Variants in CRYBG1 observed in about 807,000 individuals in gnomAD.
CRYBG1 encodes beta/gamma crystallin domain-containing protein 1.
A neutral mutation model predicts 189.2 loss-of-function variants in CRYBG1; 139 were observed. The ratio of observed to expected loss-of-function variants is 0.73; its 90% CI spans 0.64 to 0.85. The LOEUF (loss-of-function observed/expected upper bound fraction) is 0.85. Among genes scored for constraint, CRYBG1 ranks in the 40% least tolerant of loss-of-function variants. The pLI is 0.00. For missense variants in CRYBG1, 2,611 were observed against 2,675.8 expected (o/e 0.98, Z 0.53); for synonymous variants, 1,023 against 1,017.1 (o/e 1.01, Z -0.11).
rs2114443808 is a variant in CRYBG1 at position 106,455,202 on chromosome 6, A to G, written c.312+3370A>G. On this transcript the variant is annotated intron_variant, in intron 2 of 21. Transcript: ENST00000633556. ...TTTATTTAAAATATTTATATTTCTA[A>G]CAGACCATTTTTTTCACGAGAGAAA... is the stretch of plus-strand genomic sequence containing the variant. Among the ~76,000 whole-genome samples, 2 of 152,280 alleles carry G rather than the reference A, an allele frequency of 1.3e-5. 1 individual carries two copies. The highest frequency in any genetic ancestry group is 4.1e-4 in the South Asian group (2 of 4,826).
At chr6:106,385,262 T>C (rs1031855528) in intron 1 of CRYBG1, among the ~76,000 whole-genome samples, 2 of 152,212 alleles carry the variant, frequency 1.3e-5, no homozygotes, top group African/African-American at 4.8e-5. Flanking sequence ...CTCTCAGAGC[T>C]GCTCAAACAG....
In CRYBG1 at chr6:106,376,642, G is replaced by A. The variant is rs189038758; in HGVS notation, c.173+15561G>A. Among the ~76,000 whole-genome samples the A allele has an allele frequency of 1.8e-4, 27 of 152,268 alleles. 1 individual carries two copies. The highest frequency in any genetic ancestry group is 1.2e-3 in the East Asian group (6 of 5,160). On this transcript the variant is annotated intron_variant, in intron 1 of 21. Transcript: ENST00000633556. ...TCCCTCCCCTTGCCTTTATGCTTAG[G>A]GGGTAGTAGAGGCTTCCTGCCATTG...
At position 106,512,811 on chromosome 6, in the gene CRYBG1, G is replaced by T; in HGVS notation, c.1694G>T (p.Arg565Leu). The change falls in exon 3 of 22, where the codon CGG becomes CTG. Residue 565 changes from arginine to leucine, a missense_variant. Arg to Leu is a moderately radical substitution (Grantham distance 102). Coordinates refer to ENST00000633556, the MANE Select transcript of CRYBG1 (RefSeq NM_001371242.2). ...GCCGAGAGCGGGGAGGAGGCGGCGC[G>T]GGCCATCCCCCGCGAGCTCCCGGTC... ...TAAESGEEAA[R>L]AIPRELPVKS... 1.3e-6 allele frequency: 2 copies of T among 1,575,274 alleles called. No homozygotes were observed. The highest frequency in any genetic ancestry group is 1.7e-6 in the Non-Finnish European group (2 of 1,160,168).
intron 2 of CRYBG1, among the ~76,000 whole-genome samples, chr6:106,460,930 G>A (rs1771997856): frequency 6.6e-6 from 1 of 152,082 alleles, no homozygotes; most frequent in African/African-American, 2.4e-5. Context: ...GGAATTACAG[G>A]CACCTGCCAC....
chr6:106,481,576 CCT>C (rs1308508417), intron 2 of CRYBG1, among the ~76,000 whole-genome samples: 2 of 151,608 alleles, frequency 1.3e-5, no homozygotes, highest in African/African-American at 4.9e-5. Context: ...TTCTTCCGTC[CCT>C]CTCCACCCTT....
In CRYBG1 at chr6:106,568,602, C is replaced by T. The variant is rs775764594; in HGVS notation, c.*36C>T. The T allele has an allele frequency of 2.4e-5, 35 of 1,487,932 alleles. No homozygotes were observed. Among genetic ancestry groups the T allele is most frequent in the Non-Finnish European group, 3.3e-5 (35 of 1,067,854 alleles). 92.2% of individuals were successfully genotyped at this position (1,487,932 alleles called of 1,614,324 possible). Reference sequence around the variant, plus strand: ...AAGAAGAATCTTCTGGAGGTCCTTCCAGCCACCTTATTTCTTAAAAAGGAC... The same window carrying T: ...AAGAAGAATCTTCTGGAGGTCCTTCTAGCCACCTTATTTCTTAAAAAGGAC... On this transcript the variant is annotated 3_prime_UTR_variant, in exon 22 of 22. Coordinates refer to ENST00000633556, the MANE Select transcript of CRYBG1 (RefSeq NM_001371242.2).
intron 8 of CRYBG1, among the ~76,000 whole-genome samples, chr6:106,538,331 G>C (rs1009825161): frequency 1.3e-5 from 2 of 152,142 alleles, no homozygotes; most frequent in African/African-American, 4.8e-5. Context: ...TGGCACATTA[G>C]AGGAGGGTGG....
chr6:106,534,685 G>A (rs1111830), intron 8 of CRYBG1, among the ~76,000 whole-genome samples: 135,468 of 152,214 alleles, frequency 0.89, 60,415 homozygotes, highest in South Asian at 0.96. Context: ...GGAAATGAGT[G>A]ATTTCTAACT....
chr6:106,431,875 C>T (rs1884462), intron 1 of CRYBG1, among the ~76,000 whole-genome samples: 88,245 of 151,822 alleles, frequency 0.58, 25,858 homozygotes, highest in East Asian at 0.83. Context: ...TCTAGCTTCA[C>T]AGAACCAGAT....
chr6:106,394,718 T>C (rs528312386), intron 1 of CRYBG1, among the ~76,000 whole-genome samples: 2 of 152,304 alleles, frequency 1.3e-5, no homozygotes, highest in African/African-American at 2.4e-5. Flanking sequence ...TTTCTGCTTG[T>C]GGATGTTAAG....
chr6:106,419,690 C>T (rs1771089328), intron 1 of CRYBG1, among the ~76,000 whole-genome samples: 1 of 152,146 alleles, frequency 6.6e-6, no homozygotes, highest in African/African-American at 2.4e-5. Context: ...GGCCTCCTTA[C>T]AAGTTTTTAA....
intron 1 of CRYBG1, among the ~76,000 whole-genome samples, chr6:106,393,553 G>A (rs77620474): frequency 2.6e-3 from 402 of 152,214 alleles, no homozygotes; most frequent in Non-Finnish European, 4.7e-3. Context: ...CCATACCTCT[G>A]TTAAATATTT....
chr6:106,492,208 C>G (rs977968951), intron 2 of CRYBG1, among the ~76,000 whole-genome samples: 1 of 152,130 alleles, frequency 6.6e-6, no homozygotes, highest in Admixed American at 6.5e-5. Flanking sequence ...TATAGACAAG[C>G]CTATAAGCTT....
chr6:106,446,475 T>C (rs376196932), intron 1 of CRYBG1, among the ~76,000 whole-genome samples: 1 of 152,248 alleles, frequency 6.6e-6, no homozygotes, highest in African/African-American at 2.4e-5. Flanking sequence ...AGACAATAGA[T>C]GGCAGTACAG....
Position 106,539,503 on chromosome 6 carries a change from A to G in CRYBG1, c.4819A>G (p.Ile1607Val), listed in dbSNP as rs573858590. The change falls in exon 9 of 22, where the codon ATT becomes GTT. Residue 1607 changes from isoleucine to valine, a missense_variant. Ile to Val is a conservative substitution (Grantham distance 29). Transcript: ENST00000633556. ...LSFWDTEEAYIGSMRPLKMGG... is the reference protein window; with the variant it reads ...LSFWDTEEAYVGSMRPLKMGG... ...CTTCTGGGATACAGAAGAAGCGTAC[A>G]TTGGATCCATGCGGCCTCTGAAAAT... is the stretch of plus-strand genomic sequence containing the variant. 18 of 1,613,612 alleles carry G rather than the reference A, an allele frequency of 1.1e-5. No homozygotes were observed. The highest frequency in any genetic ancestry group is 1.7e-4 in the Middle Eastern group (1 of 6,058).
intron 2 of CRYBG1, among the ~76,000 whole-genome samples, chr6:106,498,516 A>G (rs2114505091): frequency 6.6e-6 from 1 of 152,206 alleles, no homozygotes; most frequent in East Asian, 1.9e-4. Flanking sequence ...GCAGCCTGTG[A>G]TACGTTAAAA....
intron 2 of CRYBG1, among the ~76,000 whole-genome samples, chr6:106,483,537 A>C (rs959755210): frequency 6.6e-6 from 1 of 151,890 alleles, no homozygotes; most frequent in Non-Finnish European, 1.5e-5. Context: ...ATACCCAGCA[A>C]TGGGATTGCT....
At chr6:106,440,862 C>T (rs1771554623) in intron 1 of CRYBG1, among the ~76,000 whole-genome samples, 1 of 152,192 alleles carries the variant, frequency 6.6e-6, no homozygotes, top group South Asian at 2.1e-4. Flanking sequence ...ATAATCTACA[C>T]TTGAGAAAAA....
At chr6:106,502,555 C>T (rs1407224148) in intron 2 of CRYBG1, among the ~76,000 whole-genome samples, 3 of 152,112 alleles carry the variant, frequency 2.0e-5, no homozygotes, top group African/African-American at 4.8e-5. Context: ...AAAAAAATCG[C>T]CGAATTAGGA....
Sources: gnomAD v4.1 joint callset for allele counts (sites outside exome capture counted in the v4.1 genomes callset) on GRCh38, gnomAD v4.1.1 for gene constraint, MANE v1.5 for transcripts, NCBI Gene and HGNC (gene_info 2026-07-23, HGNC 2026-07-21) for gene names.